Variants in PLCB1 observed in about 807,000 individuals in gnomAD.
PLCB1 encodes the protein 1-phosphatidylinositol 4,5-bisphosphate phosphodiesterase beta-1.
PLCB1 carries 46 observed loss-of-function variants against 161.8 expected under a neutral mutation model. The ratio of observed to expected loss-of-function variants is 0.28; its 90% CI spans 0.22 to 0.36. PLCB1 has a LOEUF of 0.36. Ranked by LOEUF, PLCB1 falls within the 10% of genes least tolerant of loss-of-function variation. The pLI, the probability that PLCB1 is intolerant of heterozygous loss-of-function variation, is 1.00. For synonymous variants in PLCB1, 517 were observed against 503.7 expected (o/e 1.03, Z -0.35); for missense variants, 1,016 against 1,472.5 (o/e 0.69, Z 5.07).
rs778097231 is a variant in PLCB1, at chr20:8,788,473, G to A, written c.3136G>A (p.Ala1046Thr). The A allele has an allele frequency of 1.1e-5, 17 of 1,613,462 alleles. No homozygotes were observed. The highest frequency in any genetic ancestry group is 2.7e-5 in the African/African-American group (2 of 74,900). ...KLLIQKLTDVAEECQNNQLKK... is the reference protein window; with the variant it reads ...KLLIQKLTDVTEECQNNQLKK... ...GCTTATTCAAAAGTTGACGGATGTC[G>A]CAGAAGAGTGTCAGAACAATCAGTT... The change falls in exon 28 of 32, where the codon GCA becomes ACA. Residue 1046 changes from alanine (A) to threonine (T), a missense_variant. By Grantham distance (58) the Ala-to-Thr change is moderately conservative (BLOSUM62 0). This residue lies in a region of PLCB1 where 398 missense variants were observed against 445.4 expected (regional missense o/e 0.89). Transcript: ENST00000338037.
chr20:8,476,296 TTCAAGTGTG>T (rs144837331), intron 3 of PLCB1, among the ~76,000 whole-genome samples: 475 of 152,278 alleles, frequency 3.1e-3, no homozygotes, highest in Non-Finnish European at 4.3e-3. Context: ...TTCCTTCTTG[TTCAAGTGTG>T]TCAAGTGTGT....
At chr20:8,316,523 C>T (rs926885198) in intron 2 of PLCB1, among the ~76,000 whole-genome samples, 5 of 152,244 alleles carry the variant, frequency 3.3e-5, no homozygotes, top group South Asian at 2.1e-4. Context: ...AGTCTCAACC[C>T]GGAGTTCCCA....
chr20:8,384,191 C>T (rs1411200051), intron 3 of PLCB1, among the ~76,000 whole-genome samples: 3 of 152,068 alleles, frequency 2.0e-5, no homozygotes, highest in Non-Finnish European at 4.4e-5. Context: ...TCTACATAGT[C>T]CCATATCTCT....
At chr20:8,811,734 G>T (rs531646545) in intron 31 of PLCB1, among the ~76,000 whole-genome samples, 1 of 152,188 alleles carries the variant, frequency 6.6e-6, no homozygotes, top group South Asian at 2.1e-4. Flanking sequence ...CATCATGATC[G>T]TCAGAGCCGA....
At chr20:8,317,447 T>C (rs1984709242) in intron 2 of PLCB1, among the ~76,000 whole-genome samples, 2 of 152,132 alleles carry the variant, frequency 1.3e-5, no homozygotes, top group South Asian at 4.1e-4. Flanking sequence ...ACAGGCTGTC[T>C]TTCATCACTA....
At chr20:8,794,918 A>C (rs979717716) in intron 31 of PLCB1, among the ~76,000 whole-genome samples, 2 of 152,222 alleles carry the variant, frequency 1.3e-5, no homozygotes, top group African/African-American at 4.8e-5. Context: ...GGCTCAATTT[A>C]GAGCAAACTA....
chr20:8,691,045 A>G (rs927351245), intron 10 of PLCB1, among the ~76,000 whole-genome samples: 1 of 152,196 alleles, frequency 6.6e-6, no homozygotes, highest in African/African-American at 2.4e-5. Flanking sequence ...ATATAAAAAT[A>G]TAAATACAGG....
intron 9 of PLCB1, among the ~76,000 whole-genome samples, chr20:8,680,844 G>C (rs1007307468): frequency 8.6e-5 from 13 of 151,490 alleles, no homozygotes; most frequent in Non-Finnish European, 1.5e-5. Flanking sequence ...ATTCCAATGA[G>C]ATAATAAAGG....
At chr20:8,728,126 C>T (rs1980038481) in intron 17 of PLCB1, among the ~76,000 whole-genome samples, 1 of 152,048 alleles carries the variant, frequency 6.6e-6, no homozygotes, top group African/African-American at 2.4e-5. Flanking sequence ...GTTAGTATTC[C>T]TTATTGACTG....
intron 2 of PLCB1, among the ~76,000 whole-genome samples, chr20:8,178,503 C>G (rs1327356572): frequency 1.3e-5 from 2 of 152,030 alleles, no homozygotes; most frequent in Non-Finnish European, 2.9e-5. Flanking sequence ...TTTGCTTTTT[C>G]TTGTTAATTT....
chr20:8,144,874 C>G (rs962025024), intron 1 of PLCB1, among the ~76,000 whole-genome samples: 1 of 152,114 alleles, frequency 6.6e-6, no homozygotes, highest in Non-Finnish European at 1.5e-5. Flanking sequence ...ACGTGCATGC[C>G]TCTATTCATG....
chr20:8,735,558 G>A (rs1980536935), intron 19 of PLCB1, among the ~76,000 whole-genome samples: 1 of 152,194 alleles, frequency 6.6e-6, no homozygotes. Context: ...GAATGGACTT[G>A]TGAGCTCACA....
chr20:8,833,225 C>T (rs968849652), intron 31 of PLCB1, among the ~76,000 whole-genome samples: 1 of 152,200 alleles, frequency 6.6e-6, no homozygotes, highest in Non-Finnish European at 1.5e-5. Flanking sequence ...CATAGTTCCA[C>T]ATGGCTGGGG....
At chr20:8,785,587 A>G (rs1983445217) in intron 27 of PLCB1, among the ~76,000 whole-genome samples, 1 of 152,138 alleles carries the variant, frequency 6.6e-6, no homozygotes, top group African/African-American at 2.4e-5. Context: ...AGGGGGTGTG[A>G]TGGGAGCCAA....
At chr20:8,527,627 ATAGTACAGTCT>A (rs1984635087) in intron 3 of PLCB1, among the ~76,000 whole-genome samples, 1 of 152,074 alleles carries the variant, frequency 6.6e-6, no homozygotes, top group South Asian at 2.1e-4. Flanking sequence ...TTTGTGAGGC[ATAGTACAGTCT>A]GGAAGAAGCA....
chr20:8,300,153 T>G lies in PLCB1; in HGVS notation c.178-71229T>G, dbSNP rs535889034. ...GGATGACTCAGTTCTGCTCCATGTG[T>G]CTCATCCTCCCATAGGCTAGCTAGG... On this transcript the variant is annotated intron_variant, in intron 2 of 31. Coordinates refer to ENST00000338037, the MANE Select transcript of PLCB1 (RefSeq NM_015192.4). Among the ~76,000 whole-genome samples, 4 of 152,218 alleles carry G rather than the reference T, an allele frequency of 2.6e-5. No homozygotes were observed. The East Asian group carries it at 7.7e-4, about 29-fold the overall frequency.
At chr20:8,595,952 GT>G (rs1436196927) in intron 3 of PLCB1, among the ~76,000 whole-genome samples, 1 of 114,776 alleles carries the variant, frequency 8.7e-6, no homozygotes, top group East Asian at 2.7e-4. Flanking sequence ...GGGGTTGTTT[GT>G]TTTTTTCTTG....
chr20:8,146,108 T>G (rs1293813405), intron 1 of PLCB1, among the ~76,000 whole-genome samples: 6 of 70,694 alleles, frequency 8.5e-5, no homozygotes, highest in East Asian at 2.7e-4. Flanking sequence ...TTTTTTTGTT[T>G]TTTTTTTTTT....
At chr20:8,636,710 T>C (rs1185412608) in intron 4 of PLCB1, among the ~76,000 whole-genome samples, 1 of 152,186 alleles carries the variant, frequency 6.6e-6, no homozygotes, top group African/African-American at 2.4e-5. Context: ...AAGAACTTTT[T>C]TGGAGCCAGA....
Sources: gnomAD v4.1 joint callset for allele counts (sites outside exome capture counted in the v4.1 genomes callset) on GRCh38, gnomAD v4.1.1 for gene constraint, gnomAD v4.1.1 regional missense constraint, MANE v1.5 for transcripts, NCBI Gene and HGNC (gene_info 2026-07-23, HGNC 2026-07-21) for gene names.